The following FAM193A variants were observed in gnomAD, a reference collection of about 807,000 sequenced individuals.
FAM193A encodes protein FAM193A.
In FAM193A, 22 loss-of-function variants were observed where a neutral mutation model predicts 126.5. The ratio of observed to expected loss-of-function variants is 0.17; its 90% CI spans 0.12 to 0.25. The LOEUF is 0.25. FAM193A is among the 10% of genes least tolerant of loss of function. FAM193A has a pLI of 1.00. For missense variants in FAM193A, 1,675 were observed against 1,672.8 expected, an observed-to-expected ratio of 1.00 and a Z score of -0.02; for synonymous variants, 761 against 646.8, an observed-to-expected ratio of 1.18 and a Z score of -2.68.
At position 2,663,194 on chromosome 4, in the gene FAM193A, G is replaced by A; in HGVS notation, c.1985G>A (p.Gly662Glu). 6.2e-7 allele frequency: 1 copy of A among 1,614,196 alleles called. No homozygotes were observed. The highest frequency in any genetic ancestry group is 1.1e-5 in the South Asian group (1 of 91,072). ...ADGESSGEPP[G>E]APKEDGVLGS... Reference sequence around the variant, plus strand: ...GGCGAGAGTAGTGGGGAGCCCCCAGGGGCCCCGAAGGAAGATGGAGTGCTG... The same window carrying A: ...GGCGAGAGTAGTGGGGAGCCCCCAGAGGCCCCGAAGGAAGATGGAGTGCTG... Residue 662 changes from glycine (G) to glutamate (E), a missense_variant, in exon 12 of 21, where the codon GGG becomes GAG. By Grantham distance (98) the Gly-to-Glu change is moderately conservative. Transcript: ENST00000637812.
intron 16 of FAM193A, among the ~76,000 whole-genome samples, chr4:2,694,538 A>G (rs1387655344): frequency 1.3e-5 from 2 of 152,118 alleles, no homozygotes; most frequent in African/African-American, 4.8e-5. Flanking sequence ...GAGTGCTGGG[A>G]GTACAGACGT....
intron 16 of FAM193A, among the ~76,000 whole-genome samples, chr4:2,694,309 G>A (rs1716783232): frequency 6.6e-6 from 1 of 151,806 alleles, no homozygotes; most frequent in South Asian, 2.1e-4. Flanking sequence ...TCACTCTGTC[G>A]CCCAGGCTGA....
At position 2,546,301 on chromosome 4, in the gene FAM193A, G is replaced by A. The variant is rs868309423; in HGVS notation, c.255+9131G>A. ...GCTACTGTCCCAGCCAAAATTGAAT[G>A]TTTAAAATGTGCATTTTGCATTTGA... On this transcript the variant is annotated intron_variant, in intron 1 of 20. Coordinates refer to ENST00000637812, the MANE Select transcript of FAM193A (RefSeq NM_001366318.2). Among the ~76,000 whole-genome samples, 6 of 151,992 alleles carry A rather than the reference G, an allele frequency of 3.9e-5. No individual in the cohort carries two copies. In the Middle Eastern group the frequency reaches 0.01, roughly 258 times the overall value.
intron 1 of FAM193A, among the ~76,000 whole-genome samples, chr4:2,550,636 A>C (rs1046862450): frequency 1.3e-5 from 2 of 149,800 alleles, no homozygotes; most frequent in Non-Finnish European, 3.0e-5. Flanking sequence ...GGGTTTCTCC[A>C]TGTTGGTCAG....
intron 2 of FAM193A, among the ~76,000 whole-genome samples, chr4:2,619,099 T>G (rs760850488): frequency 2.0e-5 from 3 of 152,092 alleles, no homozygotes; most frequent in Non-Finnish European, 4.4e-5. Flanking sequence ...CCAAGTGTGT[T>G]TAGTGTATTT....
At chr4:2,577,223 T>G (rs777135774) in intron 1 of FAM193A, among the ~76,000 whole-genome samples, 4 of 152,152 alleles carry the variant, frequency 2.6e-5, no homozygotes, top group Non-Finnish European at 5.9e-5. Context: ...TTATAAGATA[T>G]TTTTGGTGTT....
At chr4:2,550,790 TATTTA>T (rs1737874672) in intron 1 of FAM193A, among the ~76,000 whole-genome samples, 1 of 89,710 alleles carries the variant, frequency 1.1e-5, no homozygotes, top group Non-Finnish European at 2.5e-5. Flanking sequence ...TTTATTTATT[TATTTA>T]TTTATTTATT....
rs566479258 is a variant in FAM193A, at chr4:2,639,652, G to A, written c.1039-83G>A. ...GTGCGTGGTGGGGGGAAATGGGGAG[G>A]GGGGAGGGAATCCCTCTGGGAATTT... On this transcript the variant is annotated intron_variant, in intron 5 of 20. Transcript: ENST00000637812. The A allele has an allele frequency of 9.6e-6, 10 of 1,045,788 alleles. No homozygotes were observed. The African/African-American group carries it at 1.8e-4, about 18-fold the overall frequency. 64.8% of individuals were successfully genotyped at this position (1,045,788 alleles called of 1,614,324 possible). A position where few individuals can be genotyped will look rare whatever the true frequency, so the allele number is the denominator to read the frequency against.
intron 5 of FAM193A, among the ~76,000 whole-genome samples, chr4:2,633,776 C>A (rs1031183195): frequency 6.6e-6 from 1 of 152,044 alleles, no homozygotes; most frequent in African/African-American, 2.4e-5. Flanking sequence ...GCCTATAATC[C>A]CAGCTACTTG....
At chr4:2,632,443 A>G (rs1413605627) in intron 5 of FAM193A, among the ~76,000 whole-genome samples, 1 of 152,176 alleles carries the variant, frequency 6.6e-6, no homozygotes, top group African/African-American at 2.4e-5. Context: ...GTGATGACGC[A>G]TGCTACTCAA....
At chr4:2,610,702 G>C (rs1035062995) in intron 2 of FAM193A, among the ~76,000 whole-genome samples, 1 of 151,938 alleles carries the variant, frequency 6.6e-6, no homozygotes, top group Non-Finnish European at 1.5e-5. Flanking sequence ...TCCAGTTTGG[G>C]CTGTTATGAG....
At chr4:2,625,638 G>T in intron 3 of FAM193A, 1 of 326,376 alleles carries the variant, frequency 3.1e-6, no homozygotes, top group Non-Finnish European at 5.5e-6. Flanking sequence ...TCTAAGAGCA[G>T]CCTCAGTGAA....
chr4:2,687,748 C>T (rs1715905789), intron 13 of FAM193A, among the ~76,000 whole-genome samples: 1 of 152,204 alleles, frequency 6.6e-6, no homozygotes, highest in Non-Finnish European at 1.5e-5. Context: ...ATTGATCTTT[C>T]CACAAAGCTG....
chr4:2,660,080 T>G lies in FAM193A; in HGVS notation c.1745+26T>G, dbSNP rs765538883. On this transcript the variant is annotated intron_variant, in intron 10 of 20. Transcript: ENST00000637812. ...GTAAGTTGTGACTTTGTAATAAAGT[T>G]TCCGAAATTTAAGTCGCCCCAGTAA... 4 of 1,608,818 alleles carry G rather than the reference T, an allele frequency of 2.5e-6. No individual in the cohort carries two copies. In the South Asian group the frequency reaches 4.4e-5, roughly 18 times the overall value.
At chr4:2,730,186 G>T (rs1721213992) in intron 20 of FAM193A, among the ~76,000 whole-genome samples, 1 of 152,108 alleles carries the variant, frequency 6.6e-6, no homozygotes, top group Non-Finnish European at 1.5e-5. Flanking sequence ...AGGAAAACAG[G>T]CATGAGCCAC....
chr4:2,603,187 G>T (rs1209103048), intron 2 of FAM193A, among the ~76,000 whole-genome samples: 4 of 149,466 alleles, frequency 2.7e-5, no homozygotes, highest in Non-Finnish European at 5.9e-5. Flanking sequence ...TAGAGACGGG[G>T]TTTCACCGTG....
chr4:2,589,412 A>T (rs1740400182), intron 1 of FAM193A, among the ~76,000 whole-genome samples: 1 of 152,218 alleles, frequency 6.6e-6, no homozygotes. Context: ...TAAATCCTTC[A>T]GAGTTCATTC....
At chr4:2,566,348 A>G (rs150914498) in intron 1 of FAM193A, among the ~76,000 whole-genome samples, 378 of 152,220 alleles carry the variant, frequency 2.5e-3, no homozygotes, top group African/African-American at 8.0e-3. Flanking sequence ...CGCCTGGCCA[A>G]TGGAAAATTG....
Position 2,651,488 on chromosome 4 carries a change from G to A in FAM193A, c.1311+4656G>A, listed in dbSNP as rs560245029. On this transcript the variant is annotated intron_variant, in intron 7 of 20. Coordinates refer to ENST00000637812, the MANE Select transcript of FAM193A (RefSeq NM_001366318.2). ...AGAGGCAAGGCACGTCTTACACAGT[G>A]GCAGGAGAGAGAGAGCAAGAGGGGA... Among the ~76,000 whole-genome samples, 9 of 152,276 alleles carry A rather than the reference G, an allele frequency of 5.9e-5. No individual in the cohort carries two copies. In the South Asian group the frequency reaches 1.7e-3, roughly 28 times the overall value.
Sources: allele counts gnomAD v4.1 joint callset (sites outside exome capture counted in the v4.1 genomes callset), GRCh38; gene constraint gnomAD v4.1.1; transcripts MANE v1.5; gene names NCBI Gene and HGNC (gene_info 2026-07-23, HGNC 2026-07-21).